Variants in NUDC observed in about 807,000 individuals in gnomAD.
NUDC encodes nuclear distribution C, dynein complex regulator.
A neutral mutation model predicts 45.0 loss-of-function variants in NUDC; 14 were observed. The ratio of observed to expected loss-of-function variants is 0.31; its 90% CI spans 0.21 to 0.49. The LOEUF (loss-of-function observed/expected upper bound fraction) is 0.49. NUDC is among the 20% of genes least tolerant of loss of function. The pLI, the probability that NUDC is intolerant of heterozygous loss-of-function variation, is 0.99. For synonymous variants in NUDC, 153 were observed against 156.7 expected (o/e 0.98, Z 0.17); for missense variants, 323 against 426.2 (o/e 0.76, Z 2.13).
rs138822408 is a variant in NUDC, at chr1:26,900,339, T to C, written c.-162T>C. 1.2e-4 allele frequency: 193 copies of C among 1,614,086 alleles called. No homozygotes were observed. The African/African-American group carries it at 2.3e-3, about 19-fold the overall frequency. ...GCCACCGCCGCGCTCTTCTCGGAACTGGCTAAAATAGCTCCGTAAATGGGC... is the reference window on the plus strand; with the variant it reads ...GCCACCGCCGCGCTCTTCTCGGAACCGGCTAAAATAGCTCCGTAAATGGGC... On this transcript the variant is annotated 5_prime_UTR_variant, in exon 1 of 7. Transcript: ENST00000435827.
At chr1:26,944,863 G>A (rs946859269) in intron 6 of NUDC, among the ~76,000 whole-genome samples, 1 of 152,006 alleles carries the variant, frequency 6.6e-6, no homozygotes, top group Non-Finnish European at 1.5e-5. Flanking sequence ...CCAATATGGT[G>A]AAGCCCCGTC....
chr1:26,902,846 C>T (rs1333142772), intron 2 of NUDC, among the ~76,000 whole-genome samples: 1 of 151,918 alleles, frequency 6.6e-6, no homozygotes, highest in Non-Finnish European at 1.5e-5. Flanking sequence ...GTCCAGAGTT[C>T]GAGACCAGCC....
upstream of NUDC, among the ~76,000 whole-genome samples, chr1:26,921,377 G>T (rs1299882572): frequency 6.6e-6 from 1 of 152,168 alleles, no homozygotes; most frequent in South Asian, 2.1e-4. Context: ...TCCCTTCTAG[G>T]ATTGGAAGAG....
intron 2 of NUDC, among the ~76,000 whole-genome samples, chr1:26,931,265 A>G (rs1455224143): frequency 6.9e-6 from 1 of 144,780 alleles, no homozygotes; most frequent in African/African-American, 2.5e-5. Context: ...TTTAGTAGAG[A>G]TGGGGTTTTA....
intron 2 of NUDC, among the ~76,000 whole-genome samples, chr1:26,933,092 C>T (rs562378972): frequency 8.7e-4 from 132 of 152,192 alleles, no homozygotes; most frequent in Non-Finnish European, 1.6e-3. Flanking sequence ...CACGCCACCA[C>T]GCCCGGCTAA....
chr1:26,911,876 C>A, intron 3 of NUDC: 1 of 1,614,174 alleles, frequency 6.2e-7, no homozygotes, highest in East Asian at 2.2e-5. Context: ...CCCAAGAAGG[C>A]CAGCGATGTC....
At chr1:26,927,420 C>T (rs1295126633) in intron 2 of NUDC, among the ~76,000 whole-genome samples, 1 of 142,132 alleles carries the variant, frequency 7.0e-6, no homozygotes, top group Admixed American at 7.2e-5. Context: ...TTTTTTGAGA[C>T]GGAGTCTTGC....
In NUDC at chr1:26,941,734, G is replaced by A. The variant is rs1466513096; in HGVS notation, c.364-19G>A. 2 of 1,614,126 alleles carry A rather than the reference G, an allele frequency of 1.2e-6. No individual in the cohort carries two copies. Among genetic ancestry groups the A allele is most frequent in the South Asian group, 1.1e-5 (1 of 91,076 alleles). On this transcript the variant is annotated intron_variant, in intron 3 of 8. Transcript: ENST00000321265. Reference sequence around the variant, plus strand: ...GAGCAGTGGGGTCCTGTTGCCAACTGCTGTGCTCTTTGCCCCAGAAAAAGG... The same window carrying A: ...GAGCAGTGGGGTCCTGTTGCCAACTACTGTGCTCTTTGCCCCAGAAAAAGG...
At chr1:26,907,874 G>A (rs1372883683) in intron 2 of NUDC, among the ~76,000 whole-genome samples, 1 of 152,140 alleles carries the variant, frequency 6.6e-6, no homozygotes, top group Admixed American at 6.5e-5. Context: ...AACTTCACAG[G>A]TTTGAGTACA....
intron 2 of NUDC, among the ~76,000 whole-genome samples, chr1:26,905,162 T>A (rs1298823731): frequency 1.6e-3 from 216 of 133,018 alleles, no homozygotes; most frequent in Non-Finnish European, 2.4e-3. Flanking sequence ...TTATTATTTT[T>A]TTTTTTTTTT....
chr1:26,911,120 A>G, intron 2 of NUDC: 1 of 471,046 alleles, frequency 2.1e-6, no homozygotes, highest in Non-Finnish European at 4.4e-6. Flanking sequence ...CTCTTTTGTC[A>G]TCTGCAGGAA....
At chr1:26,916,547 C>G (rs1032996332) in intron 3 of NUDC, among the ~76,000 whole-genome samples, 2 of 152,148 alleles carry the variant, frequency 1.3e-5, no homozygotes, top group African/African-American at 4.8e-5. Flanking sequence ...TCTGGTATAG[C>G]AAGATATCAA....
At chr1:26,928,861 C>G (rs908750325) in intron 2 of NUDC, among the ~76,000 whole-genome samples, 3 of 152,160 alleles carry the variant, frequency 2.0e-5, no homozygotes, top group African/African-American at 7.2e-5. Flanking sequence ...AACGTTATGG[C>G]GGTTTCTCAG....
intron 2 of NUDC, among the ~76,000 whole-genome samples, chr1:26,929,252 T>G (rs2082158887): frequency 6.6e-6 from 1 of 152,120 alleles, no homozygotes; most frequent in South Asian, 2.1e-4. Context: ...AAAAAAATTT[T>G]TTTTAAATGA....
chr1:26,919,109 G>T (rs969199840), upstream of NUDC, among the ~76,000 whole-genome samples: 4 of 151,576 alleles, frequency 2.6e-5, no homozygotes, highest in Non-Finnish European at 4.4e-5. Flanking sequence ...TTTGAGACAG[G>T]GTCTGGCTTT....
At chr1:26,906,363 C>T (rs993453229) in intron 2 of NUDC, among the ~76,000 whole-genome samples, 2 of 150,316 alleles carry the variant, frequency 1.3e-5, no homozygotes, top group Non-Finnish European at 3.0e-5. Flanking sequence ...AACTGAGGCA[C>T]AAGAACCGCT....
rs150660420 is a variant in NUDC at position 26,941,578 on chromosome 1, A to C, written c.281A>C (p.Glu94Ala). ...KAERAARLAK[E>A]AKSETSGPQI... The stretch of plus-strand genomic sequence containing the variant: ...GAGCGGGCGGCCAGACTGGCCAAGG[A>C]AGCCAAGTCAGAGACCTCAGGGCCC... The change falls in exon 3 of 9, where the codon GAA (glutamate) becomes GCA (alanine). Residue 94 changes from glutamate (E) to alanine (A), a missense_variant. Coordinates refer to ENST00000321265, the MANE Select transcript of NUDC (RefSeq NM_006600.4). 9.5e-5 allele frequency: 153 copies of C among 1,611,992 alleles called. No homozygotes were observed. The highest frequency in any genetic ancestry group is 1.2e-4 in the Non-Finnish European group (141 of 1,179,248).
At chr1:26,917,591 TAAATA>T (rs935711266), upstream of NUDC, among the ~76,000 whole-genome samples, 3 of 150,662 alleles carry the variant, frequency 2.0e-5, no homozygotes, top group African/African-American at 4.9e-5. Flanking sequence ...TAAAAATAAA[TAAATA>T]AAAGAAACCA....
rs372991601 is a variant in NUDC, at chr1:26,926,199, A to G, written c.159+2033A>G. 1.9e-4 allele frequency among the ~76,000 whole-genome samples: 29 copies of G among 152,198 alleles called. No homozygotes were observed. In the East Asian group the frequency reaches 3.5e-3, roughly 18 times the overall value. ...CCCGGCGCCATTATCTTTATAATAG[A>G]CATAAACAAGAGACATAATAAGAAG... On this transcript the variant is annotated intron_variant, in intron 2 of 8. Transcript: ENST00000321265.
Sources: gnomAD v4.1 joint callset for allele counts (sites outside exome capture counted in the v4.1 genomes callset) on GRCh38, gnomAD v4.1.1 for gene constraint, MANE v1.5 for transcripts, NCBI Gene and HGNC (gene_info 2026-07-23, HGNC 2026-07-21) for gene names.